The following ENPP7 variants were observed in gnomAD, a reference collection of about 807,000 sequenced individuals.
The protein encoded by ENPP7 is ectonucleotide pyrophosphatase/phosphodiesterase 7.
Under a neutral mutation model 33.6 loss-of-function variants are expected in ENPP7, and 39 were observed. The ratio of observed to expected loss-of-function variants is 1.16; its 90% CI spans 0.90 to 1.52. ENPP7 has a LOEUF of 1.52. Ranked by LOEUF, ENPP7 falls within the 40% of genes most tolerant of loss-of-function variation. ENPP7 has a pLI of 0.00. For synonymous variants in ENPP7, 244 were observed against 274.3 expected, an observed-to-expected ratio of 0.89 and a Z score of 1.09; for missense variants, 594 against 641.0, an observed-to-expected ratio of 0.93 and a Z score of 0.79.
In ENPP7 at chr17:79,731,059, C is replaced by T. The variant is rs537741698; in HGVS notation, c.-81C>T. The T allele has an allele frequency of 9.0e-5, 130 of 1,451,742 alleles. No homozygotes were observed. The East Asian group carries it at 1.7e-3, about 19-fold the overall frequency. 89.9% of individuals were successfully genotyped at this position (1,451,742 alleles called of 1,614,324 possible). On this transcript the variant is annotated 5_prime_UTR_variant, in exon 1 of 6. Coordinates refer to ENST00000328313, the MANE Select transcript of ENPP7 (RefSeq NM_178543.5). ...AAAGGCGCACGGGATGAGATCAGCC[C>T]GGGTGACCCTGGGACTTTGTCCTCC...
chr17:79,738,021 T>C lies in ENPP7; in HGVS notation c.1352T>C (p.Val451Ala). Residue 451 changes from valine (V) to alanine (A), a missense_variant, in exon 5 of 6, where the codon GTG becomes GCG. Transcript: ENST00000328313. This position sits in a 1 kb window ranked among gnomAD's most constrained non-coding sequence, Gnocchi z 6.2. ...CTCGTGATGGGACTGCTGGGGACCG[T>C]GATTCTTCTGTCTGAGGTCGCATAA... The part of the protein sequence containing the change: ...PLLVMGLLGT[V>A]ILLSEVA 1 of 1,612,756 alleles carries C rather than the reference T, an allele frequency of 6.2e-7. No homozygotes were observed. Among genetic ancestry groups the C allele is most frequent in the Non-Finnish European group, 8.5e-7 (1 of 1,179,990 alleles).
rs1038460855 is a variant in ENPP7, at chr17:79,738,102, C to T, written c.*16+40C>T. 17 of 1,587,300 alleles carry T rather than the reference C, an allele frequency of 1.1e-5. No individual in the cohort carries two copies. Among genetic ancestry groups the T allele is most frequent in the Non-Finnish European group, 1.5e-5 (17 of 1,170,658 alleles). On this transcript the variant is annotated intron_variant, in intron 5 of 5. Coordinates refer to ENST00000328313, the MANE Select transcript of ENPP7 (RefSeq NM_178543.5). This position sits in a 1 kb window ranked among gnomAD's most constrained non-coding sequence, Gnocchi z 6.2. Reference sequence around the variant, plus strand: ...AGGCAGAGGCGGGAGGGTGGCCCCACGCTCCCTGACCCTCCACCCTGATGT... The same window carrying T: ...AGGCAGAGGCGGGAGGGTGGCCCCATGCTCCCTGACCCTCCACCCTGATGT...
intron 1 of ENPP7, among the ~76,000 whole-genome samples, chr17:79,732,121 C>CATATATATATATATAT: frequency 2.0e-5 from 1 of 48,782 alleles, no homozygotes; most frequent in African/African-American, 7.1e-5. Context: ...TATATATATA[C>CATATATATATATATAT]ATATATATAT....
At chr17:79,741,401 C>T (rs1422721812) in intron 5 of ENPP7, among the ~76,000 whole-genome samples, 1 of 152,214 alleles carries the variant, frequency 6.6e-6, no homozygotes, top group Non-Finnish European at 1.5e-5. Context: ...GTCCTCCTTC[C>T]CCAGCCAGAA....
chr17:79,737,952 T>C lies in ENPP7; in HGVS notation c.1283T>C (p.Leu428Pro). 2 of 1,613,912 alleles carry C rather than the reference T, an allele frequency of 1.2e-6. No homozygotes were observed. The highest frequency in any genetic ancestry group is 1.7e-6 in the Non-Finnish European group (2 of 1,180,014). ...CCGCCTGATGGAAGGCCTACTCTCC[T>C]GCCCAAGGGAAGATCTGCTCTCCCG... ...ALPPDGRPTL[L>P]PKGRSALPPS... The change falls in exon 5 of 6, where the codon CTG (leucine) becomes CCG (proline). Residue 428 changes from leucine to proline, a missense_variant. Leu to Pro is a moderately conservative substitution (Grantham distance 98). Transcript: ENST00000328313. The surrounding 1 kb of genome is among the most constrained non-coding windows in gnomAD (Gnocchi z 5.5).
intron 3 of ENPP7, among the ~76,000 whole-genome samples, chr17:79,736,585 TGTCCAGG>T (rs147459303): frequency 0.057 from 8,640 of 150,580 alleles, 303 homozygotes; most frequent in African/African-American, 0.096. Context: ...GCGTCCTACG[TGTCCAGG>T]GTAAAGTGTA....
chr17:79,735,150 G>C lies in ENPP7; in HGVS notation c.507G>C (p.Glu169Asp). 1 of 1,613,266 alleles carries C rather than the reference G, an allele frequency of 6.2e-7. No homozygotes were observed. The highest frequency in any genetic ancestry group is 8.5e-7 in the Non-Finnish European group (1 of 1,180,026). The change falls in exon 3 of 6, where the codon GAG becomes GAC. Residue 169 changes from glutamate (E) to aspartate (D), a missense_variant. By Grantham distance (45) the Glu-to-Asp change is conservative. Coordinates refer to ENST00000328313, the MANE Select transcript of ENPP7 (RefSeq NM_178543.5). The surrounding 1 kb of genome is among the most constrained non-coding windows in gnomAD (Gnocchi z 5.5). ...KEGIAHNYKN[E>D]TEWRANIDTV... ...GCATCGCACACAACTACAAAAATGA[G>C]ACGGAGTGGAGAGCGAACATCGACA... is the stretch of plus-strand genomic sequence containing the variant.
intron 2 of ENPP7, 143 bp downstream of exon 2, chr17:79,733,796 G>A: frequency 1.1e-6 from 1 of 911,824 alleles, no homozygotes; most frequent in Non-Finnish European, 1.6e-6. Flanking sequence ...GGCACAGAAG[G>A]GTGTGAAGTA....
intron 1 of ENPP7, among the ~76,000 whole-genome samples, chr17:79,731,868 C>T (rs1286997831): frequency 1.3e-5 from 2 of 152,196 alleles, no homozygotes; most frequent in African/African-American, 2.4e-5. Flanking sequence ...GAGGCTGAGG[C>T]GGGCGGATCA....
chr17:79,731,033 C>A lies in ENPP7; in HGVS notation c.-107C>A. ...CCCGGGGATGTGCACAGCCACATTC[C>A]AAAGGCGCACGGGATGAGATCAGCC... On this transcript the variant is annotated 5_prime_UTR_variant, in exon 1 of 6. Transcript: ENST00000328313. The A allele has an allele frequency of 7.6e-7, 1 of 1,310,182 alleles. No individual in the cohort carries two copies. Among genetic ancestry groups the A allele is most frequent in the Non-Finnish European group, 1.0e-6 (1 of 977,926 alleles). The allele number at this position is 1,310,182 out of a possible 1,614,324, so 81.2% of individuals were successfully genotyped here.
At chr17:79,733,300 T>C (rs2094289589) in intron 1 of ENPP7, among the ~76,000 whole-genome samples, 1 of 152,230 alleles carries the variant, frequency 6.6e-6, no homozygotes, top group African/African-American at 2.4e-5. Flanking sequence ...AACACGTGTC[T>C]ATTTGTCTCA....
rs782565883 is a variant in ENPP7 at position 79,731,151 on chromosome 17, G to A, written c.12G>A (p.Pro4=). The change falls in exon 1 of 6, where the codon CCG becomes CCA. Residue 4 remains proline, a synonymous_variant. Transcript: ENST00000328313. ...CTGGAAGGCCCAGCATGAGAGGCCC[G>A]GCCGTCCTCCTCACTGTGGCTCTGG... is the stretch of plus-strand genomic sequence containing the variant. MRG[P]AVLLTVALAT... 28 of 1,608,586 alleles carry A rather than the reference G, an allele frequency of 1.7e-5. 1 individual carries two copies. The highest frequency in any genetic ancestry group is 2.1e-4 in the Middle Eastern group (1 of 4,664).
intron 1 of ENPP7, among the ~76,000 whole-genome samples, chr17:79,732,128 ATATG>A (rs782459589): frequency 2.1e-4 from 5 of 24,220 alleles, no homozygotes; most frequent in African/African-American, 6.3e-4. Context: ...ATACATATAT[ATATG>A]TATATATATA....
chr17:79,737,268 C>T lies in ENPP7; in HGVS notation c.1246+8C>T, dbSNP rs1555823818. On this transcript the variant is annotated splice_region_variant and intron_variant, in intron 4 of 5. Transcript: ENST00000328313. The surrounding 1 kb of genome is among the most constrained non-coding windows in gnomAD (Gnocchi z 5.5). ...TGCCCATGCTGCACACAGGTGAGGG[C>T]AGGGTGCCCCAAATCCCCGCCTGCT... is the stretch of plus-strand genomic sequence containing the variant. 6.3e-7 allele frequency: 1 copy of T among 1,586,886 alleles called. No homozygotes were observed. The highest frequency in any genetic ancestry group is 8.5e-7 in the Non-Finnish European group (1 of 1,170,880).
In ENPP7 at chr17:79,735,463, G is replaced by A. The variant is rs369080546; in HGVS notation, c.820G>A (p.Glu274Lys). 6.2e-6 allele frequency: 10 copies of A among 1,613,936 alleles called. No individual in the cohort carries two copies. Among genetic ancestry groups the A allele is most frequent in the African/African-American group, 4.0e-5 (3 of 74,904 alleles). The change falls in exon 3 of 6, where the codon GAG becomes AAG. Residue 274 changes from glutamate to lysine, a missense_variant. Physicochemically the swap from Glu to Lys is moderately conservative, Grantham distance 56 (BLOSUM62 1). This residue lies in a region of ENPP7 where 504 missense variants were observed against 512.8 expected (regional missense o/e 0.98). Transcript: ENST00000328313. This position sits in a 1 kb window ranked among gnomAD's most constrained non-coding sequence, Gnocchi z 5.5. ...CCCCAACTTCACCTTCCGGGACATC[G>A]AGTTTGAGCTCCTGGACTACGGACC... is the stretch of plus-strand genomic sequence containing the variant. ...KFPNFTFRDI[E>K]FELLDYGPNG...
chr17:79,734,863 C>T (rs1207491132), intron 2 of ENPP7, among the ~76,000 whole-genome samples, 180 bp from the exon 3 acceptor site: 1 of 152,126 alleles, frequency 6.6e-6, no homozygotes, highest in African/African-American at 2.4e-5. Context: ...CAGGTTTTAC[C>T]CCCATAGAAC....
rs782194318 is a variant in ENPP7, at chr17:79,737,953, G to A, written c.1284G>A (p.Leu428=). ...ALPPDGRPTL[L]PKGRSALPPS... ...CGCCTGATGGAAGGCCTACTCTCCT[G>A]CCCAAGGGAAGATCTGCTCTCCCGC... is the stretch of plus-strand genomic sequence containing the variant. Residue 428 remains leucine, a synonymous_variant, in exon 5 of 6, where the codon CTG becomes CTA. Coordinates refer to ENST00000328313, the MANE Select transcript of ENPP7 (RefSeq NM_178543.5). The surrounding 1 kb of genome is among the most constrained non-coding windows in gnomAD (Gnocchi z 5.5). 18 of 1,613,702 alleles carry A rather than the reference G, an allele frequency of 1.1e-5. No individual in the cohort carries two copies. The South Asian group carries it at 1.8e-4, about 16-fold the overall frequency.
In ENPP7 at chr17:79,735,134, A is replaced by T. The variant is rs1555823235; in HGVS notation, c.491A>T (p.His164Leu). ...CGGAGCCGGAAAGAAGGCATCGCAC[A>T]CAACTACAAAAATGAGACGGAGTGG... ...VTRSRKEGIA[H>L]NYKNETEWRA... The change falls in exon 3 of 6, where the codon CAC becomes CTC. Residue 164 changes from histidine to leucine, a missense_variant. Physicochemically the swap from His to Leu is moderately conservative, Grantham distance 99. Transcript: ENST00000328313. The surrounding 1 kb of genome is among the most constrained non-coding windows in gnomAD (Gnocchi z 5.5). 1 of 1,613,222 alleles carries T rather than the reference A, an allele frequency of 6.2e-7. No homozygotes were observed. Among genetic ancestry groups the T allele is most frequent in the South Asian group, 1.1e-5 (1 of 91,084 alleles).
rs1260417941 is a variant in ENPP7, at chr17:79,732,132, G to GTATA, written c.253+755_253+758dup. Among the ~76,000 whole-genome samples, 8 of 48,408 alleles carry GTATA rather than the reference G, an allele frequency of 1.7e-4. 1 individual carries two copies. Among genetic ancestry groups the GTATA allele is most frequent in the East Asian group, 1.2e-3 (2 of 1,610 alleles). The allele number at this position is 48,408 out of a possible 152,430, so 31.8% of individuals were successfully genotyped here. Reference sequence around the variant, plus strand: ...TACATATATATATACATATATATATGTATATATATATATATATACACACAC... The same window carrying GTATA: ...TACATATATATATACATATATATATGTATATATATATATATATATATACACACAC... On this transcript the variant is annotated intron_variant, in intron 1 of 5. Transcript: ENST00000328313.
Sources: allele counts gnomAD v4.1 joint callset (sites outside exome capture counted in the v4.1 genomes callset), GRCh38; gene constraint gnomAD v4.1.1; regional missense constraint gnomAD v4.1.1; non-coding constraint Gnocchi (gnomAD v3.1); transcripts MANE v1.5; gene names NCBI Gene and HGNC (gene_info 2026-07-23, HGNC 2026-07-21).